RNF213: variants seen among roughly 807,000 people sequenced by gnomAD.
The protein encoded by RNF213 is ring finger protein 213, also known as E3 ubiquitin-protein ligase RNF213.
RNF213 carries 341 observed loss-of-function variants against 514.4 expected under a neutral mutation model. The observed-to-expected ratio is 0.66, with a 90% CI of 0.61 to 0.73. The LOEUF (loss-of-function observed/expected upper bound fraction) is 0.73, where lower values mean the gene tolerates loss of function less well. Ranked by LOEUF, RNF213 falls within the 30% of genes least tolerant of loss-of-function variation. The pLI is 0.00. For synonymous variants in RNF213, 2,655 were observed against 2,658.2 expected (o/e 1.00, Z 0.04); for missense variants, 5,767 against 6,615.6 (o/e 0.87, Z 4.45).
In RNF213 at chr17:80,372,560, G is replaced by C. The variant is rs143335048; in HGVS notation, c.12577G>C (p.Asp4193His). 1.3e-5 allele frequency: 21 copies of C among 1,613,976 alleles called. No homozygotes were observed. The East Asian group carries it at 4.7e-4, about 36-fold the overall frequency. ...GAAGACCAGTGCTTACTCCAGAAAT[G>C]ATGAACTGAACCACCTAGAAGAGGA... is the stretch of plus-strand genomic sequence containing the variant. ...LEKTSAYSRNDELNHLEEEGR... is the reference protein window; with the variant it reads ...LEKTSAYSRNHELNHLEEEGR... The change falls in exon 48 of 68, where the codon GAT becomes CAT. Residue 4193 changes from aspartate to histidine, a missense_variant. By Grantham distance (81) the Asp-to-His change is moderately conservative (BLOSUM62 -1). This residue lies in a region of RNF213 where 1,245 missense variants were observed against 1,339.0 expected (regional missense o/e 0.93). Coordinates refer to ENST00000582970, the MANE Select transcript of RNF213 (RefSeq NM_001256071.3).
intron 15 of RNF213, among the ~76,000 whole-genome samples, chr17:80,313,856 G>A (rs2045693934): frequency 1.5e-5 from 2 of 130,954 alleles, no homozygotes; most frequent in African/African-American, 6.6e-5. Context: ...TACTGGAGGT[G>A]ATGGTGGTGG....
intron 5 of RNF213, 141 bp from the exon 6 acceptor site, chr17:80,289,518 A>G: frequency 1.2e-6 from 1 of 843,350 alleles, no homozygotes; most frequent in East Asian, 2.7e-5. Flanking sequence ...TGAGCCTGGG[A>G]GGCGGAGGTT....
rs2078298226 is a variant in RNF213, at chr17:80,346,013, C to G, written c.7678C>G (p.Pro2560Ala). The change falls in exon 29 of 68, where the codon CCT becomes GCT. Residue 2560 changes from proline to alanine, a missense_variant. Pro to Ala is a conservative substitution (Grantham distance 27). Transcript: ENST00000582970. The surrounding 1 kb of genome is among the most constrained non-coding windows in gnomAD (Gnocchi z 8.1). ...EETADRLGSI[P>A]LRQLVYRVHA... ...GACGGCCGACAGGCTGGGCTCCATT[C>G]CTCTGAGGCAGCTGGTATACCGGGT... is the stretch of plus-strand genomic sequence containing the variant. The G allele has an allele frequency of 6.2e-7, 1 of 1,614,202 alleles. No individual in the cohort carries two copies. The highest frequency in any genetic ancestry group is 8.5e-7 in the Non-Finnish European group (1 of 1,180,038).
chr17:80,293,157 A>G (rs989332701), intron 8 of RNF213, among the ~76,000 whole-genome samples: 4 of 152,066 alleles, frequency 2.6e-5, no homozygotes, highest in Admixed American at 2.0e-4. Context: ...ACCAGGGCTC[A>G]GCTGATCCTC....
chr17:80,305,899 G>A (rs991417275), intron 11 of RNF213, among the ~76,000 whole-genome samples: 12 of 152,304 alleles, frequency 7.9e-5, no homozygotes, highest in East Asian at 7.7e-4. Context: ...GGATTCAGGC[G>A]TGAGCCACCA....
intron 61 of RNF213, 49 bp from the exon 62 acceptor site, chr17:80,386,201 T>C (rs4890018): frequency 0.05 from 78,329 of 1,556,726 alleles, 2,174 homozygotes; most frequent in Middle Eastern, 0.089. Context: ...CTAGATTCTG[T>C]GAGGAGTTGG....
At chr17:80,283,605 C>T (rs2044373968) in intron 3 of RNF213, among the ~76,000 whole-genome samples, 1 of 152,254 alleles carries the variant, frequency 6.6e-6, no homozygotes, top group Admixed American at 6.5e-5. Context: ...GGCCACTCCC[C>T]TCCTGCAAGG....
rs1319750499 is a variant in RNF213, at chr17:80,343,425, C to T, written c.6183+100C>T. 1.3e-5 allele frequency: 14 copies of T among 1,041,760 alleles called. No individual in the cohort carries two copies. The highest frequency in any genetic ancestry group is 2.0e-5 in the Non-Finnish European group (14 of 687,404). The allele number at this position is 1,041,760 out of a possible 1,614,324, so 64.5% of individuals were successfully genotyped here. ...CCGTGTATAGAATTCCTTGTTTCCA[C>T]ACGCACAGTCCTGTGAAGCTTAACA... is the stretch of plus-strand genomic sequence containing the variant. On this transcript the variant is annotated intron_variant, in intron 27 of 67. Transcript: ENST00000582970. The surrounding 1 kb of genome is among the most constrained non-coding windows in gnomAD (Gnocchi z 4.3).
In RNF213 at chr17:80,380,870, C is replaced by T; in HGVS notation, c.13680C>T (p.Gly4560=). 1.2e-6 allele frequency: 2 copies of T among 1,614,178 alleles called. No individual in the cohort carries two copies. Among genetic ancestry groups the T allele is most frequent in the Non-Finnish European group, 1.7e-6 (2 of 1,180,018 alleles). ...GAACGCAGACCGGCCACGTGCTGGG[C>T]AACCCGCAGCGGAGAGACGTGGTGA... is the stretch of plus-strand genomic sequence containing the variant. ...ADRTQTGHVL[G]NPQRRDVVTC... is the part of the protein sequence containing the mutation. The change falls in exon 56 of 68, where the codon GGC becomes GGT. Residue 4560 remains glycine, a synonymous_variant. Transcript: ENST00000582970.
Position 80,396,582 on chromosome 17 carries a change from C to G in RNF213, c.*3084C>G, listed in dbSNP as rs1379934633. The G allele has an allele frequency of 6.6e-6, 1 of 152,204 alleles. No individual in the cohort carries two copies. Among genetic ancestry groups the G allele is most frequent in the African/African-American group, 2.4e-5 (1 of 41,438 alleles). 9.4% of individuals were successfully genotyped at this position (152,204 alleles called of 1,614,324 possible). A position where few individuals can be genotyped will look rare whatever the true frequency, so the allele number is the denominator to read the frequency against. The stretch of plus-strand genomic sequence containing the variant: ...GGAGGTGGCTGGAGAAAACCTGAGC[C>G]TCGAGCTGAGTAACAATCCAAGCCA... On this transcript the variant is annotated 3_prime_UTR_variant, in exon 68 of 68. Transcript: ENST00000582970.
In RNF213 at chr17:80,275,454, A is replaced by C. The variant is rs980805885; in HGVS notation, c.261+2050A>C. 3.3e-5 allele frequency among the ~76,000 whole-genome samples: 5 copies of C among 152,116 alleles called. No homozygotes were observed. The East Asian group carries it at 9.7e-4, about 29-fold the overall frequency. Reference sequence around the variant, plus strand: ...CCGCCCAAAGACAGAGGAAAAGCTAAGAATTGAGTTACTTGGGGGAATAAA... The same window carrying C: ...CCGCCCAAAGACAGAGGAAAAGCTACGAATTGAGTTACTTGGGGGAATAAA... On this transcript the variant is annotated intron_variant, in intron 3 of 67. Coordinates refer to ENST00000582970, the MANE Select transcript of RNF213 (RefSeq NM_001256071.3).
Position 80,379,718 on chromosome 17 carries a change from T to C in RNF213, c.13640+4T>C. On this transcript the variant is annotated splice_donor_region_variant and intron_variant, in intron 55 of 67. Coordinates refer to ENST00000582970, the MANE Select transcript of RNF213 (RefSeq NM_001256071.3). ...GGGACGGCTTTCATCTGGTCAAGTATGTGGGTCAGGATTCTATTTCCTAAG... is the reference window on the plus strand; with the variant it reads ...GGGACGGCTTTCATCTGGTCAAGTACGTGGGTCAGGATTCTATTTCCTAAG... 6.2e-7 allele frequency: 1 copy of C among 1,613,436 alleles called. No homozygotes were observed. Among genetic ancestry groups the C allele is most frequent in the Non-Finnish European group, 8.5e-7 (1 of 1,179,318 alleles).
At chr17:80,289,626 C>T (rs1318980360) in intron 5 of RNF213, 33 bp from the exon 6 acceptor site, 4 of 1,607,482 alleles carry the variant, frequency 2.5e-6, no homozygotes, top group Non-Finnish European at 3.4e-6. Flanking sequence ...TGGAGGCCGG[C>T]CTTCAAGGTC....
intron 19 of RNF213, 29 bp downstream of exon 19, chr17:80,328,018 G>A: frequency 6.5e-7 from 1 of 1,535,258 alleles, no homozygotes; most frequent in African/African-American, 1.4e-5. Flanking sequence ...CGCACTTCAG[G>A]CTCCTGAGGC....
In RNF213 at chr17:80,263,341, G is replaced by A. The variant is rs1353154816; in HGVS notation, c.-108-233G>A. Among the ~76,000 whole-genome samples the A allele has an allele frequency of 2.0e-5, 3 of 152,162 alleles. No individual in the cohort carries two copies. Among genetic ancestry groups the A allele is most frequent in the African/African-American group, 7.2e-5 (3 of 41,428 alleles). ...GCCGTGGGACCCTGCCGAACAGCAC[G>A]TGGCTGCCCCACGCCTGCCTGGAGC... On this transcript the variant is annotated intron_variant, in intron 1 of 67. Transcript: ENST00000582970. This position sits in a 1 kb window ranked among gnomAD's most constrained non-coding sequence, Gnocchi z 4.9.
chr17:80,293,958 G>A (rs552306553), intron 8 of RNF213, among the ~76,000 whole-genome samples: 7 of 152,134 alleles, frequency 4.6e-5, no homozygotes, highest in South Asian at 4.2e-4. Context: ...TGGGGTGGGC[G>A]GGCCTGCCAG....
At chr17:80,372,296 T>C (rs1020227711) in intron 47 of RNF213, among the ~76,000 whole-genome samples, 1 of 152,120 alleles carries the variant, frequency 6.6e-6, no homozygotes, top group Non-Finnish European at 1.5e-5. Flanking sequence ...ATAATGTAAA[T>C]AAATTAGATA....
chr17:80,352,069 G>A, intron 32 of RNF213: 1 of 328,832 alleles, frequency 3.0e-6, no homozygotes, highest in Non-Finnish European at 5.8e-6. Flanking sequence ...TGGCCTAGAT[G>A]GTCTCAATCC....
intron 30 of RNF213, 69 bp downstream of exon 30, chr17:80,349,975 A>G (rs1426722853): frequency 2.5e-6 from 4 of 1,570,682 alleles, no homozygotes; most frequent in Non-Finnish European, 3.5e-6. Flanking sequence ...CTGCGTGGCG[A>G]TGGTACCCGC....
Sources: gnomAD v4.1 joint callset for allele counts (sites outside exome capture counted in the v4.1 genomes callset) on GRCh38, gnomAD v4.1.1 for gene constraint, gnomAD v4.1.1 regional missense constraint, Gnocchi (gnomAD v3.1) non-coding constraint, MANE v1.5 for transcripts, NCBI Gene and HGNC (gene_info 2026-07-23, HGNC 2026-07-21) for gene names.